The following CLEC18B variants were observed in gnomAD, a reference collection of about 807,000 sequenced individuals.
CLEC18B encodes C-type lectin domain family 18 member B.
A neutral mutation model predicts 60.4 loss-of-function variants in CLEC18B; 5 were observed. The observed-to-expected ratio is 0.08, with a 90% confidence interval of 0.04 to 0.17. The LOEUF is 0.17. Among genes scored for constraint, CLEC18B ranks in the 10% least tolerant of loss-of-function variants. The pLI is 1.00. For missense variants in CLEC18B, 26 were observed against 572.8 expected (o/e 0.05, Z 9.74); for synonymous variants, 16 against 221.2 (o/e 0.07, Z 8.23).
intron 10 of CLEC18B, among the ~76,000 whole-genome samples, chr16:74,410,335 C>T (rs1457235261): frequency 2.0e-5 from 3 of 151,354 alleles, no homozygotes; most frequent in Admixed American, 6.6e-5. Flanking sequence ...CTCTCCCCCA[C>T]GTGACGTGCC....
intron 3 of CLEC18B, among the ~76,000 whole-genome samples, chr16:74,416,417 G>A (rs2013418533): frequency 6.6e-6 from 1 of 152,238 alleles, no homozygotes; most frequent in Non-Finnish European, 1.5e-5. Context: ...CTGCTGCCCA[G>A]GCTGGAGTGC....
At chr16:74,411,968 G>A in intron 7 of CLEC18B, 186 bp downstream of exon 7, 2 of 1,421,226 alleles carry the variant, frequency 1.4e-6, no homozygotes, top group African/African-American at 1.4e-5. Context: ...AAAAATCCAT[G>A]GTTTATAGCA....
At chr16:74,413,454 A>G (rs1349600055) in intron 4 of CLEC18B, 125 bp downstream of exon 4, 1 of 1,483,762 alleles carries the variant, frequency 6.7e-7, no homozygotes, top group Non-Finnish European at 9.2e-7. Context: ...CCCCTCTCCC[A>G]CCAAGGGTGC....
chr16:74,409,837 A>G (rs531178948), intron 10 of CLEC18B, 196 bp from the exon 11 acceptor site: 2 of 1,569,336 alleles, frequency 1.3e-6, no homozygotes, highest in Non-Finnish European at 1.7e-6. Context: ...TTCCTGGGTT[A>G]ACAGCTCTGC....
upstream of CLEC18B, chr16:74,422,202 A>AG (rs1220811267): frequency 1.1e-4 from 17 of 152,240 alleles, no homozygotes; most frequent in Admixed American, 5.2e-4. Flanking sequence ...ATCCCACCAG[A>AG]GTGAGCTGGA....
At chr16:74,413,875 T>TATTTATTTATTC in intron 3 of CLEC18B, among the ~76,000 whole-genome samples, 199 bp from the exon 4 acceptor site, 1 of 152,254 alleles carries the variant, frequency 6.6e-6, no homozygotes, top group Non-Finnish European at 1.5e-5. Flanking sequence ...TTTATTTATT[T>TATTTATTTATTC]ATTTATTTAT....
chr16:74,421,988 G>A (rs1183090480), upstream of CLEC18B: 9 of 136,290 alleles, frequency 6.6e-5, no homozygotes, highest in East Asian at 5.2e-4. Flanking sequence ...GCCCAGCCCC[G>A]GTGCCCACCA....
intron 3 of CLEC18B, among the ~76,000 whole-genome samples, chr16:74,416,275 A>C (rs1237620376): frequency 6.7e-6 from 1 of 148,248 alleles, no homozygotes; most frequent in Non-Finnish European, 1.5e-5. Context: ...AAAAAAAAAA[A>C]AAATTAAGGA....
chr16:74,417,178 T>C (rs1464569406), intron 3 of CLEC18B, among the ~76,000 whole-genome samples: 1 of 148,162 alleles, frequency 6.7e-6, no homozygotes, highest in Non-Finnish European at 1.5e-5. Flanking sequence ...GGCAGGACAG[T>C]CACCTGAATC....
chr16:74,416,083 A>AC (rs574078771), intron 3 of CLEC18B, among the ~76,000 whole-genome samples: 2,858 of 149,734 alleles, frequency 0.019, 1 homozygote, highest in Middle Eastern at 0.035. Flanking sequence ...ATACGGTGAA[A>AC]CCCTGTCTCT....
chr16:74,421,123 ACCT>A lies in CLEC18B; in HGVS notation c.124+21_124+23del, dbSNP rs769990563. On this transcript the variant is annotated intron_variant, in intron 1 of 11. Transcript: ENST00000682950. ...AGAGCTCATAATGGTGCCTCCACCT[ACCT>A]CCTCACCAGGTGTCCCTTACCTCCG... 144 of 1,575,946 alleles carry A rather than the reference ACCT, an allele frequency of 9.1e-5. 1 individual carries two copies. The South Asian group carries it at 1.6e-3, about 17-fold the overall frequency.
chr16:74,418,757 A>G (rs1352614737), intron 2 of CLEC18B, among the ~76,000 whole-genome samples: 1 of 151,640 alleles, frequency 6.6e-6, no homozygotes, highest in Non-Finnish European at 1.5e-5. Flanking sequence ...CTGGCCTCAT[A>G]TGCTCCCCAC....
At chr16:74,409,502 C>T in intron 11 of CLEC18B, 48 bp downstream of exon 11, 4 of 1,197,564 alleles carry the variant, frequency 3.3e-6, no homozygotes, top group African/African-American at 1.7e-5. Context: ...GTCAGCAGCA[C>T]TCCCAGGGTC....
At chr16:74,422,283 C>G (rs1351934836), upstream of CLEC18B, 3 of 153,194 alleles carry the variant, frequency 2.0e-5, no homozygotes, top group Non-Finnish European at 4.4e-5. Flanking sequence ...CTAATGCCCA[C>G]GTTCCTCTCG....
upstream of CLEC18B, among the ~76,000 whole-genome samples, chr16:74,423,056 G>A (rs1393495395): frequency 2.1e-5 from 3 of 142,022 alleles, no homozygotes; most frequent in African/African-American, 7.9e-5. Context: ...TAGCAGATGG[G>A]ATGCCCGTCG....
chr16:74,416,038 A>G (rs1597183355), intron 3 of CLEC18B, among the ~76,000 whole-genome samples: 1 of 152,276 alleles, frequency 6.6e-6, no homozygotes, highest in Non-Finnish European at 1.5e-5. Flanking sequence ...AGGCAGGCGG[A>G]TCATGAGGTC....
intron 3 of CLEC18B, among the ~76,000 whole-genome samples, chr16:74,414,220 C>T (rs1229320332): frequency 6.6e-6 from 1 of 152,396 alleles, no homozygotes; most frequent in Middle Eastern, 3.4e-3. Context: ...GGGGAGGTAC[C>T]TGAAATGAGG....
chr16:74,421,317 C>A lies in CLEC18B; in HGVS notation c.-47G>T. 6.2e-7 allele frequency: 1 copy of A among 1,607,828 alleles called. No homozygotes were observed. Among genetic ancestry groups the A allele is most frequent in the Non-Finnish European group, 8.5e-7 (1 of 1,178,614 alleles). On this transcript the variant is annotated 5_prime_UTR_variant, in exon 1 of 12. Transcript: ENST00000682950. The stretch of plus-strand genomic sequence containing the variant: ...CGCTCCGTGCACAGCCTGGCTCAGC[C>A]ACCCGGCTTGTTTCTCAGGCTGGAT...
At chr16:74,419,949 C>A (rs1390633937) in intron 2 of CLEC18B, among the ~76,000 whole-genome samples, 1 of 152,216 alleles carries the variant, frequency 6.6e-6, no homozygotes, top group Non-Finnish European at 1.5e-5. Context: ...CAGCCCCAGC[C>A]GGGCTGGTGG....
Sources: allele counts gnomAD v4.1 joint callset (sites outside exome capture counted in the v4.1 genomes callset), GRCh38; gene constraint gnomAD v4.1.1; transcripts MANE v1.5; gene names NCBI Gene and HGNC (gene_info 2026-07-23, HGNC 2026-07-21).